The following CNTN5 variants were observed in gnomAD, a reference collection of about 807,000 sequenced individuals.
CNTN5 encodes the protein contactin-5.
CNTN5 carries 77 observed loss-of-function variants against 129.1 expected under a neutral mutation model. That is an observed-to-expected ratio of 0.60 (90% CI 0.50 to 0.72). The LOEUF (loss-of-function observed/expected upper bound fraction) is 0.72. CNTN5 is among the 30% of genes least tolerant of loss of function. The pLI, the probability that CNTN5 is intolerant of heterozygous loss-of-function variation, is 0.00. For synonymous variants in CNTN5, 509 were observed against 465.6 expected, an observed-to-expected ratio of 1.09 and a Z score of -1.20; for missense variants, 1,478 against 1,328.8, an observed-to-expected ratio of 1.11 and a Z score of -1.75.
chr11:99,066,890 A>T (rs1865125807), intron 1 of CNTN5, among the ~76,000 whole-genome samples: 1 of 152,154 alleles, frequency 6.6e-6, no homozygotes. Flanking sequence ...CTGCGATTCA[A>T]GGGCTTCTCA....
chr11:99,342,518 T>G (rs1565505602), intron 2 of CNTN5, among the ~76,000 whole-genome samples: 1 of 139,288 alleles, frequency 7.2e-6, no homozygotes, highest in Non-Finnish European at 1.5e-5. Context: ...GTGGATCACT[T>G]GAGTCCAGGA....
chr11:100,070,627 G>C (rs1943884894), intron 11 of CNTN5, 67 bp downstream of exon 11: 5 of 1,485,758 alleles, frequency 3.4e-6, no homozygotes, highest in African/African-American at 1.4e-5. Context: ...GACAAACTAG[G>C]CTTCTTTAGT....
intron 3 of CNTN5, among the ~76,000 whole-genome samples, chr11:99,561,288 C>T (rs1010927995): frequency 7.3e-5 from 11 of 151,468 alleles, no homozygotes; most frequent in Non-Finnish European, 1.3e-4. Context: ...ACAATTTCAG[C>T]AAATAAGTAA....
intron 3 of CNTN5, among the ~76,000 whole-genome samples, chr11:99,684,118 C>G (rs936135313): frequency 2.6e-5 from 4 of 151,762 alleles, no homozygotes; most frequent in African/African-American, 9.7e-5. Context: ...CTGGTAACCA[C>G]ACTTTCACTC....
chr11:100,235,665 G>A (rs1161451935), intron 16 of CNTN5, among the ~76,000 whole-genome samples: 1 of 151,916 alleles, frequency 6.6e-6, no homozygotes, highest in Non-Finnish European at 1.5e-5. Flanking sequence ...CCTTCTTCTG[G>A]GAACCATGGG....
chr11:100,152,326 T>C (rs1368062173), intron 13 of CNTN5, among the ~76,000 whole-genome samples: 1 of 152,118 alleles, frequency 6.6e-6, no homozygotes, highest in African/African-American at 2.4e-5. Flanking sequence ...TGCTTAAGTT[T>C]GGAAGGTTAA....
chr11:99,182,889 A>T (rs924118777), intron 1 of CNTN5, among the ~76,000 whole-genome samples: 1 of 152,174 alleles, frequency 6.6e-6, no homozygotes, highest in African/African-American at 2.4e-5. Context: ...ATAATATGCA[A>T]TCAAGAAGAT....
intron 13 of CNTN5, among the ~76,000 whole-genome samples, chr11:100,082,450 G>A (rs1565223252): frequency 2.0e-5 from 3 of 151,944 alleles, no homozygotes; most frequent in African/African-American, 7.3e-5. Flanking sequence ...ACCATGCCTG[G>A]AAAATTTTTT....
At chr11:100,324,647 T>A (rs1430406758) in intron 21 of CNTN5, among the ~76,000 whole-genome samples, 2 of 152,146 alleles carry the variant, frequency 1.3e-5, no homozygotes, top group Non-Finnish European at 2.9e-5. Flanking sequence ...GTAAAAGACA[T>A]ACACTGAACT....
At position 99,134,674 on chromosome 11, in the gene CNTN5, GTTATAGGTAAA is replaced by G. The variant is rs531611397; in HGVS notation, c.-210+113409_-210+113419del. 1.5e-4 allele frequency among the ~76,000 whole-genome samples: 23 copies of G among 152,072 alleles called. No homozygotes were observed. The South Asian group carries it at 4.8e-3, about 32-fold the overall frequency. ...GAAATTGATTGTAATAATTTGATGAGTTATAGGTAAATTATGTGTCAAGATGCCAGTAAAAT... is the reference window on the plus strand; with the variant it reads ...GAAATTGATTGTAATAATTTGATGAGTTATGTGTCAAGATGCCAGTAAAAT... On this transcript the variant is annotated intron_variant, in intron 1 of 24. Transcript: ENST00000524871.
At chr11:99,943,717 G>T (rs1950494217) in intron 7 of CNTN5, among the ~76,000 whole-genome samples, 1 of 152,098 alleles carries the variant, frequency 6.6e-6, no homozygotes, top group Non-Finnish European at 1.5e-5. Flanking sequence ...TGTACAAGGT[G>T]TAAGGAAGGG....
rs533559033 is a variant in CNTN5 at position 100,189,171 on chromosome 11, A to G, written c.1581-1955A>G. On this transcript the variant is annotated intron_variant, in intron 13 of 24. Coordinates refer to ENST00000524871, the MANE Select transcript of CNTN5 (RefSeq NM_014361.4). ...ACAGGATCAATCAATCCGAAACCTC[A>G]TCATCATGCAATATACCCACCCAGG... 1.1e-4 allele frequency among the ~76,000 whole-genome samples: 16 copies of G among 152,102 alleles called. No individual in the cohort carries two copies. In the East Asian group the frequency reaches 3.1e-3, roughly 29 times the overall value.
intron 9 of CNTN5, among the ~76,000 whole-genome samples, chr11:100,039,221 C>T (rs1389959052): frequency 1.3e-5 from 2 of 152,122 alleles, no homozygotes; most frequent in Non-Finnish European, 2.9e-5. Flanking sequence ...TTCTCCTTTA[C>T]TTATGAAGCT....
chr11:100,295,174 G>A (rs2138875752), intron 18 of CNTN5, among the ~76,000 whole-genome samples: 1 of 151,686 alleles, frequency 6.6e-6, no homozygotes, highest in Middle Eastern at 3.4e-3. Context: ...TGGAGGTAAG[G>A]TAAGAGAAGG....
intron 18 of CNTN5, among the ~76,000 whole-genome samples, chr11:100,282,274 T>G (rs1950657585): frequency 6.6e-6 from 1 of 152,236 alleles, no homozygotes; most frequent in Non-Finnish European, 1.5e-5. Flanking sequence ...ACTTGCGTAT[T>G]GTTATCTAGC....
chr11:100,228,990 C>A (rs142102399), intron 16 of CNTN5, among the ~76,000 whole-genome samples: 43 of 152,270 alleles, frequency 2.8e-4, no homozygotes, highest in African/African-American at 1.0e-3. Context: ...AGGCATTAAT[C>A]TAAGCACAGG....
At chr11:99,580,006 T>A (rs1258641885) in intron 3 of CNTN5, among the ~76,000 whole-genome samples, 2 of 137,588 alleles carry the variant, frequency 1.5e-5, no homozygotes, top group African/African-American at 2.7e-5. Context: ...ATACGTCCCA[T>A]CAATATCTAA....
chr11:99,546,401 C>T (rs1948292305), intron 2 of CNTN5, among the ~76,000 whole-genome samples: 1 of 152,050 alleles, frequency 6.6e-6, no homozygotes, highest in South Asian at 2.1e-4. Flanking sequence ...CTATGAATCC[C>T]ATTCAGAACC....
chr11:99,546,863 G>A (rs761527749), intron 2 of CNTN5, among the ~76,000 whole-genome samples: 5 of 152,040 alleles, frequency 3.3e-5, no homozygotes, highest in Non-Finnish European at 5.9e-5. Context: ...TCTTTGCACT[G>A]ACTCTTAATT....
Sources: allele counts gnomAD v4.1 joint callset (sites outside exome capture counted in the v4.1 genomes callset), GRCh38; gene constraint gnomAD v4.1.1; transcripts MANE v1.5; gene names NCBI Gene and HGNC (gene_info 2026-07-23, HGNC 2026-07-21).